Variants in KSR2 observed in about 807,000 individuals in gnomAD.
KSR2 encodes the protein kinase suppressor of ras 2.
KSR2 carries 25 observed loss-of-function variants against 107.8 expected under a neutral mutation model. The observed-to-expected ratio is 0.23, with a 90% CI of 0.17 to 0.32. The LOEUF is 0.32. Among genes scored for constraint, KSR2 ranks in the 10% least tolerant of loss-of-function variants. The pLI, the probability that KSR2 is intolerant of heterozygous loss-of-function variation, is 1.00. For synonymous variants in KSR2, 480 were observed against 507.0 expected, an observed-to-expected ratio of 0.95 and a Z score of 0.71; for missense variants, 887 against 1,268.9, an observed-to-expected ratio of 0.70 and a Z score of 4.57.
rs1374765018 is a variant in KSR2 at position 117,639,653 on chromosome 12, TTATTA to T, written c.1171+27816_1171+27820del. Among the ~76,000 whole-genome samples the T allele has an allele frequency of 9.1e-4, 126 of 139,014 alleles. No individual in the cohort carries two copies. In the Middle Eastern group the frequency reaches 0.011, roughly 12 times the overall value. The allele number at this position is 139,014 out of a possible 152,430, so 91.2% of individuals were successfully genotyped here. ...CGTATTATTATTATTATTATTATTATTATTATATTATTTTAATATTTTACTGAAAG... is the reference window on the plus strand; with the variant it reads ...CGTATTATTATTATTATTATTATTATTATTATTTTAATATTTTACTGAAAG... On this transcript the variant is annotated intron_variant, in intron 5 of 19. Transcript: ENST00000339824.
rs913725519 is a variant in KSR2 at position 117,770,760 on chromosome 12, G to T, written c.473-9236C>A. On this transcript the variant is annotated intron_variant, in intron 3 of 19. Transcript: ENST00000339824. ...AGGCAGGCAGATCACGAGGTCAGGAGATCGAGACCATCCTGGCTAACACGG... is the reference window on the plus strand; with the variant it reads ...AGGCAGGCAGATCACGAGGTCAGGATATCGAGACCATCCTGGCTAACACGG... Among the ~76,000 whole-genome samples the T allele has an allele frequency of 4.6e-5, 7 of 151,634 alleles. No individual in the cohort carries two copies. The East Asian group carries it at 1.4e-3, about 29-fold the overall frequency.
chr12:117,894,210 A>G (rs1231801565), intron 1 of KSR2, among the ~76,000 whole-genome samples: 1 of 151,198 alleles, frequency 6.6e-6, no homozygotes, highest in African/African-American at 2.4e-5. Flanking sequence ...GCGCCCGGCC[A>G]AAATTCTTAA....
Position 117,527,992 on chromosome 12 carries a change from T to C in KSR2, c.1803-873A>G, listed in dbSNP as rs1223263746. Among the ~76,000 whole-genome samples the C allele has an allele frequency of 2.2e-5, 3 of 137,558 alleles. No homozygotes were observed. The South Asian group carries it at 7.3e-4, about 33-fold the overall frequency. 90.2% of individuals were successfully genotyped at this position (137,558 alleles called of 152,430 possible). A position where few individuals can be genotyped will look rare whatever the true frequency, so the allele number is the denominator to read the frequency against. On this transcript the variant is annotated intron_variant, in intron 12 of 19. Coordinates refer to ENST00000339824, the MANE Select transcript of KSR2 (RefSeq NM_173598.6). ...GTGTGTGTGTGTGTGTGTGTGTGTG[T>C]GTGTGATGCATTCATAAGCTCATGA...
chr12:117,855,298 G>T, intron 3 of KSR2, 130 bp downstream of exon 3: 1 of 1,196,414 alleles, frequency 8.4e-7, no homozygotes, highest in Middle Eastern at 2.6e-4. Flanking sequence ...CTCTTCCTGC[G>T]TTTCGGATTT....
intron 5 of KSR2, among the ~76,000 whole-genome samples, chr12:117,647,090 A>T (rs1257218859): frequency 1.3e-5 from 2 of 152,172 alleles, no homozygotes; most frequent in Non-Finnish European, 2.9e-5. Flanking sequence ...CAAGGAAGAA[A>T]GTAACAGAAA....
intron 14 of KSR2, chr12:117,517,563 G>A (rs1874457316): frequency 4.2e-6 from 1 of 240,776 alleles, no homozygotes; most frequent in Admixed American, 5.2e-5. Flanking sequence ...CTCATAGGAT[G>A]GATTACACAG....
At chr12:117,642,552 A>G (rs78266652) in intron 5 of KSR2, among the ~76,000 whole-genome samples, 21 of 152,296 alleles carry the variant, frequency 1.4e-4, no homozygotes, top group African/African-American at 4.8e-4. Flanking sequence ...AAGCTGCTTA[A>G]CTTAGCTGGA....
chr12:117,764,333 C>T (rs1044068669), intron 3 of KSR2, among the ~76,000 whole-genome samples: 6 of 151,766 alleles, frequency 4.0e-5, no homozygotes, highest in African/African-American at 1.5e-4. Flanking sequence ...GGACTGTTTA[C>T]ATCTAACTTA....
At chr12:117,807,433 G>A (rs1196052031) in intron 3 of KSR2, among the ~76,000 whole-genome samples, 1 of 152,186 alleles carries the variant, frequency 6.6e-6, no homozygotes, top group African/African-American at 2.4e-5. Context: ...ATTCCACAAT[G>A]TGTTAACAGG....
intron 1 of KSR2, among the ~76,000 whole-genome samples, chr12:117,944,956 A>G (rs1056440911): frequency 6.6e-6 from 1 of 152,202 alleles, no homozygotes; most frequent in Non-Finnish European, 1.5e-5. Flanking sequence ...CAGAGCAAGG[A>G]AAATTACCAG....
intron 3 of KSR2, among the ~76,000 whole-genome samples, chr12:117,807,988 T>C (rs1027348283): frequency 6.6e-6 from 1 of 152,248 alleles, no homozygotes; most frequent in Non-Finnish European, 1.5e-5. Context: ...TAAATTGCAC[T>C]CTGCCTGTGA....
chr12:117,935,098 G>A (rs1895798537), intron 1 of KSR2, among the ~76,000 whole-genome samples: 1 of 151,938 alleles, frequency 6.6e-6, no homozygotes, highest in South Asian at 2.1e-4. Context: ...AAAGCGCTGG[G>A]ATTACAGGTC....
intron 1 of KSR2, among the ~76,000 whole-genome samples, chr12:117,946,840 C>A (rs1896193029): frequency 6.6e-6 from 1 of 151,926 alleles, no homozygotes; most frequent in Non-Finnish European, 1.5e-5. Flanking sequence ...TATTAACAGT[C>A]TAAAGAAGGT....
intron 9 of KSR2, among the ~76,000 whole-genome samples, chr12:117,549,929 C>G (rs142380125): frequency 6.6e-6 from 1 of 152,280 alleles, no homozygotes; most frequent in East Asian, 1.9e-4. Context: ...CTCACTTATC[C>G]TGGCAGAATT....
At position 117,761,469 on chromosome 12, in the gene KSR2, C is replaced by T; in HGVS notation, c.528G>A (p.Gly176=). 1.2e-6 allele frequency: 2 copies of T among 1,613,316 alleles called. No individual in the cohort carries two copies. Among genetic ancestry groups the T allele is most frequent in the Non-Finnish European group, 1.7e-6 (2 of 1,179,680 alleles). Residue 176 remains glycine, a synonymous_variant, in exon 4 of 20, where the codon GGG becomes GGA. Transcript: ENST00000339824. ...GGGGGCACACGGGATTGTTCTCCTT[C>T]CCCGTCTCTGTCGTGGGCCACTGGA... ...WTIQWPTTET[G]KENNPVCPPE...
chr12:117,896,063 C>G (rs931335370), intron 1 of KSR2, among the ~76,000 whole-genome samples: 2 of 152,170 alleles, frequency 1.3e-5, no homozygotes, highest in African/African-American at 4.8e-5. Context: ...GTGTAAAAAA[C>G]TTGTACGTGA....
chr12:117,946,028 G>A (rs183868500), intron 1 of KSR2, among the ~76,000 whole-genome samples: 117 of 152,160 alleles, frequency 7.7e-4, no homozygotes, highest in Non-Finnish European at 1.3e-3. Flanking sequence ...TTATGAACTG[G>A]AAAACAATGA....
intron 14 of KSR2, among the ~76,000 whole-genome samples, chr12:117,489,355 C>A (rs887477637): frequency 1.3e-5 from 2 of 151,946 alleles, no homozygotes; most frequent in Non-Finnish European, 2.9e-5. Flanking sequence ...AGAGCCTGGG[C>A]AACATGGCAA....
chr12:117,479,878 C>G (rs1872048951), intron 16 of KSR2, among the ~76,000 whole-genome samples: 1 of 152,142 alleles, frequency 6.6e-6, no homozygotes, highest in African/African-American at 2.4e-5. Context: ...TTGAGCAGAC[C>G]CAAATTTCTA....
Sources: gnomAD v4.1 joint callset for allele counts (sites outside exome capture counted in the v4.1 genomes callset) on GRCh38, gnomAD v4.1.1 for gene constraint, MANE v1.5 for transcripts, NCBI Gene and HGNC (gene_info 2026-07-23, HGNC 2026-07-21) for gene names.